Variants in CNTN5 observed in about 807,000 individuals in gnomAD.
CNTN5 encodes contactin-5.
CNTN5 carries 77 observed loss-of-function variants against 129.1 expected under a neutral mutation model. That is an observed-to-expected ratio of 0.60 (90% confidence interval 0.50 to 0.72). CNTN5 has a LOEUF of 0.72. Among genes scored for constraint, CNTN5 ranks in the 30% least tolerant of loss-of-function variants. CNTN5 has a pLI of 0.00. For synonymous variants in CNTN5, 509 were observed against 465.6 expected, an observed-to-expected ratio of 1.09 and a Z score of -1.20; for missense variants, 1,478 against 1,328.8, an observed-to-expected ratio of 1.11 and a Z score of -1.75.
At chr11:99,811,437 A>G (rs1413126156) in intron 3 of CNTN5, among the ~76,000 whole-genome samples, 1 of 148,952 alleles carries the variant, frequency 6.7e-6, no homozygotes, top group Non-Finnish European at 1.5e-5. Flanking sequence ...ATTCTAATCC[A>G]TTATTTTGTT....
At chr11:99,329,212 G>A (rs1253555125) in intron 2 of CNTN5, among the ~76,000 whole-genome samples, 2 of 152,156 alleles carry the variant, frequency 1.3e-5, no homozygotes, top group Non-Finnish European at 2.9e-5. Flanking sequence ...ATATTTTAGT[G>A]TGATAATGTA....
At chr11:99,595,483 G>A (rs1231956865) in intron 3 of CNTN5, among the ~76,000 whole-genome samples, 3 of 151,952 alleles carry the variant, frequency 2.0e-5, no homozygotes, top group Non-Finnish European at 2.9e-5. Flanking sequence ...TCTCAAACAT[G>A]TCTCTTTTAA....
At chr11:99,476,907 T>G (rs867279443) in intron 2 of CNTN5, among the ~76,000 whole-genome samples, 10 of 152,212 alleles carry the variant, frequency 6.6e-5, no homozygotes, top group Middle Eastern at 6.8e-3. Context: ...TTGTTATCTC[T>G]TCCCGTTTCC....
chr11:100,047,160 C>CA (rs199769267), intron 9 of CNTN5, among the ~76,000 whole-genome samples: 35 of 151,072 alleles, frequency 2.3e-4, no homozygotes, highest in East Asian at 7.8e-4. Flanking sequence ...AGAGAAGGAA[C>CA]AAAAAAAACA....
chr11:100,137,056 C>T (rs1419855752), intron 13 of CNTN5, among the ~76,000 whole-genome samples: 4 of 151,796 alleles, frequency 2.6e-5, no homozygotes, highest in Admixed American at 2.0e-4. Context: ...CTAAAACATA[C>T]ACTCCAGGTA....
intron 2 of CNTN5, among the ~76,000 whole-genome samples, chr11:99,393,391 A>C (rs923239820): frequency 6.6e-6 from 1 of 151,818 alleles, no homozygotes; most frequent in Non-Finnish European, 1.5e-5. Flanking sequence ...TGCAAAGGCA[A>C]CCATGTTCCA....
intron 3 of CNTN5, among the ~76,000 whole-genome samples, chr11:99,814,616 G>A (rs1804995991): frequency 6.6e-6 from 1 of 152,144 alleles, no homozygotes; most frequent in Non-Finnish European, 1.5e-5. Flanking sequence ...GTGCCTGAAG[G>A]TGCATTGAAG....
intron 3 of CNTN5, among the ~76,000 whole-genome samples, chr11:99,628,353 T>G (rs1486889209): frequency 6.6e-6 from 1 of 151,988 alleles, no homozygotes; most frequent in Non-Finnish European, 1.5e-5. Context: ...AAACACCACA[T>G]CTTTAATGAA....
rs1859194714 is a variant in CNTN5, at chr11:99,201,389, T to TCCTTCCTTCCTTCCTTCCTTCCTC, written c.-209-123947_-209-123946insTTCCTTCCTTCCTCCCTTCCTTCC. ...TTCCTTCCTTCCTTCCTTCTTTCCT[T>TCCTTCCTTCCTTCCTTCCTTCCTC]CCTTCCTTCCCTTCTTTCTTCCTTT... On this transcript the variant is annotated intron_variant, in intron 1 of 24. Transcript: ENST00000524871. 1.3e-5 allele frequency among the ~76,000 whole-genome samples: 2 copies of TCCTTCCTTCCTTCCTTCCTTCCTC among 150,158 alleles called. 1 individual carries two copies. The highest frequency in any genetic ancestry group is 4.9e-5 in the African/African-American group (2 of 40,742).
intron 9 of CNTN5, among the ~76,000 whole-genome samples, chr11:100,007,489 C>T (rs1940267263): frequency 6.6e-6 from 1 of 152,090 alleles, no homozygotes; most frequent in Non-Finnish European, 1.5e-5. Flanking sequence ...TTCACATCAG[C>T]ACTTGCTACT....
intron 2 of CNTN5, among the ~76,000 whole-genome samples, chr11:99,328,799 G>A (rs966137391): frequency 1.3e-5 from 2 of 148,518 alleles, no homozygotes; most frequent in Non-Finnish European, 3.0e-5. Context: ...GAACCCAGGA[G>A]GCGGAGGTTG....
intron 2 of CNTN5, among the ~76,000 whole-genome samples, chr11:99,501,189 G>T (rs1392705850): frequency 6.6e-6 from 1 of 152,126 alleles, no homozygotes; most frequent in Non-Finnish European, 1.5e-5. Context: ...GCTGTTCTGT[G>T]CTGTTCATAG....
chr11:99,861,471 C>A (rs1219129812), intron 6 of CNTN5, among the ~76,000 whole-genome samples: 2 of 152,110 alleles, frequency 1.3e-5, no homozygotes, highest in African/African-American at 2.4e-5. Context: ...AAGATGCATG[C>A]CAACTTTCAT....
intron 17 of CNTN5, among the ~76,000 whole-genome samples, chr11:100,263,506 T>A (rs936640812): frequency 6.6e-6 from 1 of 152,278 alleles, no homozygotes; most frequent in African/African-American, 2.4e-5. Context: ...CATTATAGTG[T>A]CTATAAACAT....
intron 13 of CNTN5, among the ~76,000 whole-genome samples, chr11:100,155,660 TG>T (rs1167084659): frequency 2.0e-5 from 3 of 152,122 alleles, no homozygotes; most frequent in African/African-American, 7.2e-5. Flanking sequence ...GCACATGGAA[TG>T]TTTTTCCATT....
intron 6 of CNTN5, among the ~76,000 whole-genome samples, chr11:99,900,054 G>A (rs901568796): frequency 6.6e-6 from 1 of 151,842 alleles, no homozygotes; most frequent in African/African-American, 2.4e-5. Context: ...TATCGGTTGT[G>A]ATGTCATCTT....
chr11:100,113,788 T>C (rs77700909), intron 13 of CNTN5, among the ~76,000 whole-genome samples: 2,578 of 152,214 alleles, frequency 0.017, 65 homozygotes, highest in African/African-American at 0.057. Flanking sequence ...ACCTTCTTGG[T>C]AAACTATCAG....
Position 100,130,378 on chromosome 11 carries a change from C to A in CNTN5, c.1580+56084C>A, listed in dbSNP as rs950832851. On this transcript the variant is annotated intron_variant, in intron 13 of 24. Transcript: ENST00000524871. ...ACAACAGACGTAGTCCCTGCTCTCA[C>A]GTACCTTAGAATAAAGCTATAACAG... 3.9e-5 allele frequency among the ~76,000 whole-genome samples: 6 copies of A among 152,088 alleles called. No homozygotes were observed. In the South Asian group the frequency reaches 1.2e-3, roughly 31 times the overall value.
chr11:99,057,348 T>C (rs1414876920), intron 1 of CNTN5, among the ~76,000 whole-genome samples: 2 of 152,066 alleles, frequency 1.3e-5, no homozygotes, highest in African/African-American at 2.4e-5. Context: ...CACAAACATA[T>C]TAAAAGTTTG....
Sources: allele counts gnomAD v4.1 joint callset (sites outside exome capture counted in the v4.1 genomes callset), GRCh38; gene constraint gnomAD v4.1.1; transcripts MANE v1.5; gene names NCBI Gene and HGNC (gene_info 2026-07-23, HGNC 2026-07-21).